The following WRN variants were observed in gnomAD, a reference collection of about 807,000 sequenced individuals.
WRN encodes the protein WRN RecQ like helicase.
Under a neutral mutation model 180.7 loss-of-function variants are expected in WRN, and 149 were observed. The ratio of observed to expected loss-of-function variants is 0.82; its 90% confidence interval spans 0.72 to 0.94. WRN has a LOEUF of 0.94. Ranked by LOEUF, WRN falls within the 40% of genes least tolerant of loss-of-function variation. The pLI is 0.00. For missense variants in WRN, 1,661 were observed against 1,700.1 expected (o/e 0.98, Z 0.40); for synonymous variants, 548 against 568.9 (o/e 0.96, Z 0.52).
At chr8:31,111,157 A>T (rs1801299999) in intron 18 of WRN, among the ~76,000 whole-genome samples, 1 of 151,596 alleles carries the variant, frequency 6.6e-6, no homozygotes, top group Non-Finnish European at 1.5e-5. Context: ...TTAAAATAGG[A>T]GGCCAAAAAA....
chr8:31,059,044 ATAAAACT>A (rs1812382799), intron 2 of WRN, 102 bp from the exon 3 acceptor site: 2 of 866,684 alleles, frequency 2.3e-6, no homozygotes, highest in African/African-American at 1.7e-5. Flanking sequence ...ACATTAATTG[ATAAAACT>A]TAGAACTATA....
At chr8:31,104,403 G>A (rs1801011497) in intron 18 of WRN, among the ~76,000 whole-genome samples, 1 of 152,056 alleles carries the variant, frequency 6.6e-6, no homozygotes, top group South Asian at 2.1e-4. Context: ...AGTTTTAAGA[G>A]TTTAAAAAAT....
chr8:31,074,909 G>C lies in WRN; in HGVS notation c.725-1264G>C, dbSNP rs181690148. Among the ~76,000 whole-genome samples, 10 of 152,288 alleles carry C rather than the reference G, an allele frequency of 6.6e-5. No individual in the cohort carries two copies. The East Asian group carries it at 1.7e-3, about 26-fold the overall frequency. On this transcript the variant is annotated intron_variant, in intron 7 of 34. Transcript: ENST00000298139. Reference sequence around the variant, plus strand: ...AAGTGTCAAAGTATTGTTGGGGAAAGCATGCTGGAAGGAAAGATAGGGATG... The same window carrying C: ...AAGTGTCAAAGTATTGTTGGGGAAACCATGCTGGAAGGAAAGATAGGGATG...
Sources: allele counts gnomAD v4.1 joint callset (sites outside exome capture counted in the v4.1 genomes callset), GRCh38; gene constraint gnomAD v4.1.1; transcripts MANE v1.5; gene names NCBI Gene and HGNC (gene_info 2026-07-23, HGNC 2026-07-21).